Variants in TUSC3 observed in about 807,000 individuals in gnomAD.
TUSC3 encodes the protein dolichyl-diphosphooligosaccharide--protein glycosyltransferase subunit TUSC3.
In TUSC3, 45 loss-of-function variants were observed where a neutral mutation model predicts 44.8. The ratio of observed to expected loss-of-function variants is 1.00; its 90% confidence interval spans 0.79 to 1.29. The LOEUF is 1.29. Ranked by LOEUF, TUSC3 falls within the 50% of genes most tolerant of loss-of-function variation. The pLI, the probability that TUSC3 is intolerant of heterozygous loss-of-function variation, is 0.00. For missense variants in TUSC3, 519 were observed against 437.9 expected (o/e 1.19, Z -1.65); for synonymous variants, 212 against 152.9 (o/e 1.39, Z -2.85).
chr8:15,521,003 C>G (rs1038222631), intron 2 of TUSC3, among the ~76,000 whole-genome samples: 14 of 152,166 alleles, frequency 9.2e-5, no homozygotes, highest in Admixed American at 2.6e-4. Context: ...GTACCACTCC[C>G]TCCCCAAACT....
At chr8:15,851,991 C>T in the TUSC3 span, among the ~76,000 whole-genome samples, 1 of 152,080 alleles carries the variant, frequency 6.6e-6, no homozygotes, top group Non-Finnish European at 1.5e-5. Context: ...TCTCTTGTCT[C>T]CCGCCATGTG....
intron 1 of TUSC3, among the ~76,000 whole-genome samples, chr8:15,573,158 TTCTCTCTCTTTC>T (rs766295749): frequency 5.4e-5 from 6 of 110,764 alleles, no homozygotes; most frequent in Admixed American, 1.9e-4. Flanking sequence ...CAGTATAGTG[TTCTCTCTCTTTC>T]TCTCTCTCTC....
the TUSC3 span, among the ~76,000 whole-genome samples, chr8:15,825,938 G>C: frequency 7.8e-6 from 1 of 127,614 alleles, no homozygotes; most frequent in Non-Finnish European, 1.6e-5. Flanking sequence ...TACACCTAAA[G>C]AAATTTGCCT....
chr8:15,515,990 A>G (rs115175851), intron 2 of TUSC3, among the ~76,000 whole-genome samples: 3,176 of 152,196 alleles, frequency 0.021, 126 homozygotes, highest in African/African-American at 0.071. Context: ...TTCTGTAAAA[A>G]TTGTTTACTA....
At chr8:15,572,377 T>C (rs540022891) in intron 1 of TUSC3, among the ~76,000 whole-genome samples, 1 of 152,178 alleles carries the variant, frequency 6.6e-6, no homozygotes, top group Non-Finnish European at 1.5e-5. Flanking sequence ...TCAGCCTTCA[T>C]TGGATTGAAG....
intron 1 of TUSC3, among the ~76,000 whole-genome samples, chr8:15,605,745 C>G (rs931325659): frequency 6.6e-6 from 1 of 151,964 alleles, no homozygotes; most frequent in African/African-American, 2.4e-5. Flanking sequence ...CTTAGACACA[C>G]AGTTACAAAT....
chr8:15,610,366 G>A (rs140302028), intron 1 of TUSC3, among the ~76,000 whole-genome samples: 96 of 152,268 alleles, frequency 6.3e-4, no homozygotes, highest in African/African-American at 2.2e-3. Flanking sequence ...CTGCAAGGGA[G>A]TAGTTAAGTT....
At chr8:15,649,509 G>A (rs1288739418) in intron 2 of TUSC3, among the ~76,000 whole-genome samples, 4 of 151,814 alleles carry the variant, frequency 2.6e-5, no homozygotes, top group Admixed American at 2.6e-4. Context: ...GCATGATCCT[G>A]GGAGGCGGAG....
chr8:15,439,505 C>G (rs1325804403), intron 1 of TUSC3, among the ~76,000 whole-genome samples: 3 of 152,114 alleles, frequency 2.0e-5, no homozygotes, highest in South Asian at 2.1e-4. Context: ...TGAAGTGAAC[C>G]GTGGTTACAC....
intron 3 of TUSC3, among the ~76,000 whole-genome samples, chr8:15,651,850 A>C (rs796111487): frequency 2.2e-4 from 34 of 152,318 alleles, no homozygotes; most frequent in African/African-American, 7.9e-4. Flanking sequence ...CGATGTTGTC[A>C]TGGTTGTATC....
At chr8:15,768,769 A>C (rs1459363431), downstream of TUSC3, among the ~76,000 whole-genome samples, 4 of 152,152 alleles carry the variant, frequency 2.6e-5, no homozygotes, top group Non-Finnish European at 5.9e-5. Flanking sequence ...CAATGTGCGA[A>C]AACCACAAGA....
intron 6 of TUSC3, among the ~76,000 whole-genome samples, chr8:15,707,563 C>A (rs1256643063): frequency 6.6e-6 from 1 of 151,896 alleles, no homozygotes; most frequent in Non-Finnish European, 1.5e-5. Context: ...TGTAAGTAGA[C>A]AACAGCCATG....
intron 2 of TUSC3, among the ~76,000 whole-genome samples, chr8:15,535,179 G>A (rs1801504894): frequency 6.6e-6 from 1 of 152,182 alleles, no homozygotes. Context: ...TAGCAGGTTA[G>A]ATTCTGGAAA....
chr8:15,498,935 C>G (rs960808330), intron 2 of TUSC3, among the ~76,000 whole-genome samples: 2 of 152,138 alleles, frequency 1.3e-5, no homozygotes, highest in Non-Finnish European at 2.9e-5. Context: ...GGATTGAATT[C>G]TCAACTGATA....
Position 15,502,594 on chromosome 8 carries a change from C to A in TUSC3, n.189+19111C>A, listed in dbSNP as rs561611783. Among the ~76,000 whole-genome samples the A allele has an allele frequency of 2.1e-4, 32 of 152,280 alleles. 1 individual carries two copies. The South Asian group carries it at 6.4e-3, about 31-fold the overall frequency. On this transcript the variant is annotated intron_variant and non_coding_transcript_variant, in intron 2 of 5. Transcript: ENST00000503191. Reference sequence around the variant, plus strand: ...CAAGCTCCACCTCCTGGGTTCACACCATTGTCCTGTCTCAGCCTCCCAAGT... The same window carrying A: ...CAAGCTCCACCTCCTGGGTTCACACAATTGTCCTGTCTCAGCCTCCCAAGT...
intron 2 of TUSC3, among the ~76,000 whole-genome samples, chr8:15,640,269 T>G (rs1290385949): frequency 2.0e-5 from 3 of 152,224 alleles, no homozygotes; most frequent in Non-Finnish European, 4.4e-5. Flanking sequence ...CACAACGGAA[T>G]TGATCCTGTG....
chr8:15,631,699 TG>T (rs1404095953), intron 2 of TUSC3, among the ~76,000 whole-genome samples: 4 of 151,606 alleles, frequency 2.6e-5, no homozygotes, highest in African/African-American at 9.7e-5. Context: ...TGTGTGTGTG[TG>T]TGTGTGTGTT....
rs1421258 is a variant in TUSC3 at position 15,685,004 on chromosome 8, C to G, written c.798+11168C>G. Among the ~76,000 whole-genome samples, 873 of 152,300 alleles carry G rather than the reference C, an allele frequency of 5.7e-3. 9 individuals are homozygous for G. The highest frequency in any genetic ancestry group is 0.02 in the African/African-American group (816 of 41,552). On this transcript the variant is annotated intron_variant, in intron 6 of 10. Coordinates refer to ENST00000503731, the MANE Select transcript of TUSC3 (RefSeq NM_006765.4). ...GTCCTGTGGCAATGGTGGCCCTGCT[C>G]TCTTGCAGCCTAGCAGACAGCAGTA... is the stretch of plus-strand genomic sequence containing the variant.
intron 10 of TUSC3, among the ~76,000 whole-genome samples, chr8:15,762,928 AT>A (rs1211673767): frequency 2.0e-5 from 3 of 152,020 alleles, no homozygotes; most frequent in Non-Finnish European, 4.4e-5. Flanking sequence ...GGTCACCCTT[AT>A]CGTACGCTTT....
Sources: gnomAD v4.1 joint callset for allele counts (sites outside exome capture counted in the v4.1 genomes callset) on GRCh38, gnomAD v4.1.1 for gene constraint, MANE v1.5 for transcripts, NCBI Gene and HGNC (gene_info 2026-07-23, HGNC 2026-07-21) for gene names.